MAPK6: variants seen among roughly 807,000 people sequenced by gnomAD.
MAPK6 encodes the protein ERK-3.
Under a neutral mutation model 59.3 loss-of-function variants are expected in MAPK6, and 19 were observed. That is an observed-to-expected ratio of 0.32 (90% CI 0.22 to 0.47). The LOEUF is 0.47. MAPK6 is among the 20% of genes least tolerant of loss of function. The probability of loss-of-function intolerance (pLI) is 1.00; values close to 1 mark genes in which losing one functional copy is unlikely to be tolerated. For missense variants in MAPK6, 724 were observed against 847.9 expected (o/e 0.85, Z 1.81); for synonymous variants, 316 against 290.3 (o/e 1.09, Z -0.90).
intron 1 of MAPK6, among the ~76,000 whole-genome samples, chr15:52,029,160 C>T (rs1449218318): frequency 6.6e-6 from 1 of 152,208 alleles, no homozygotes. Context: ...GCCTCAGCCT[C>T]CCCAGTAGCT....
chr15:52,022,241 GA>G (rs2141850314), intron 1 of MAPK6, among the ~76,000 whole-genome samples: 1 of 152,272 alleles, frequency 6.6e-6, no homozygotes, highest in South Asian at 2.1e-4. Flanking sequence ...AAAGGGATTT[GA>G]GGAGTTTGTG....
intron 1 of MAPK6, chr15:52,021,494 C>T (rs1595976054): frequency 2.0e-5 from 3 of 151,118 alleles, no homozygotes; most frequent in African/African-American, 7.3e-5. Flanking sequence ...GTAATGGCTT[C>T]TTAAATTGCA....
chr15:51,980,369 A>AT (rs527957124), intron 1 of MAPK6, among the ~76,000 whole-genome samples: 21 of 150,912 alleles, frequency 1.4e-4, no homozygotes, highest in Non-Finnish European at 2.7e-4. Context: ...CTGAGATTTT[A>AT]TTTTTTTGTT....
intron 4 of MAPK6, among the ~76,000 whole-genome samples, chr15:52,060,701 G>C (rs910752753): frequency 2.0e-5 from 3 of 152,192 alleles, no homozygotes; most frequent in Admixed American, 1.3e-4. Context: ...TGGTTAACCA[G>C]AGTCCTAAGA....
chr15:52,013,954 AAGGCCTTCTCAATCTGGTGCT>A (rs2030162996), intron 3 of MAPK6, among the ~76,000 whole-genome samples: 1 of 152,116 alleles, frequency 6.6e-6, no homozygotes, highest in African/African-American at 2.4e-5. Flanking sequence ...CCTTGTAATC[AAGGCCTTCTCAATCTGGTGCT>A]AACTTGTCTT....
intron 1 of MAPK6, among the ~76,000 whole-genome samples, chr15:52,036,342 A>G (rs2031241520): frequency 6.6e-6 from 1 of 152,172 alleles, no homozygotes; most frequent in South Asian, 2.1e-4. Context: ...TCTTGGTTTC[A>G]TGTTGCTAAA....
intron 3 of MAPK6, among the ~76,000 whole-genome samples, chr15:52,054,524 T>C (rs142415399): frequency 1.3e-5 from 2 of 152,316 alleles, no homozygotes; most frequent in East Asian, 1.9e-4. Context: ...AAAATATCTT[T>C]TTGTGACCAA....
intron 3 of MAPK6, among the ~76,000 whole-genome samples, chr15:52,007,201 G>A (rs547596440): frequency 6.6e-6 from 1 of 152,224 alleles, no homozygotes; most frequent in Admixed American, 6.5e-5. Flanking sequence ...GGGCTTTGAG[G>A]CAGCCTTGGA....
chr15:52,000,211 C>T (rs778642868), intron 2 of MAPK6, among the ~76,000 whole-genome samples: 5 of 151,506 alleles, frequency 3.3e-5, no homozygotes, highest in Non-Finnish European at 5.9e-5. Context: ...AGTATTGGCA[C>T]TACAGGCGTG....
intron 1 of MAPK6, among the ~76,000 whole-genome samples, chr15:52,041,893 G>A (rs2031430735): frequency 6.6e-6 from 1 of 152,014 alleles, no homozygotes; most frequent in Admixed American, 6.5e-5. Context: ...TCATTTCTTT[G>A]TTTACTTTTC....
chr15:52,057,045 A>G (rs1173556409), intron 3 of MAPK6: 1 of 152,208 alleles, frequency 6.6e-6, no homozygotes, highest in Non-Finnish European at 1.5e-5. Flanking sequence ...TGCTTAGACA[A>G]AAATCTTGTC....
intron 4 of MAPK6, among the ~76,000 whole-genome samples, 188 bp from the exon 5 acceptor site, chr15:52,061,111 G>A (rs1013434930): frequency 1.1e-4 from 17 of 152,210 alleles, no homozygotes; most frequent in African/African-American, 4.1e-4. Flanking sequence ...TTTTAATTGT[G>A]TAGTCCATTT....
upstream of MAPK6, among the ~76,000 whole-genome samples, chr15:52,016,079 C>CACACACAT (rs1416672357): frequency 1.1e-4 from 15 of 137,086 alleles, no homozygotes; most frequent in Admixed American, 9.5e-4. Flanking sequence ...CGCACACACA[C>CACACACAT]ACACACACAC....
chr15:52,016,107 C>CACACACACACACAA (rs1267339787), upstream of MAPK6, among the ~76,000 whole-genome samples: 100 of 136,310 alleles, frequency 7.3e-4, 1 homozygote, highest in African/African-American at 2.3e-3. Flanking sequence ...CACACACACA[C>CACACACACACACAA]AAACTAAAAC....
chr15:52,063,830 TA>T, intron 5 of MAPK6, 71 bp from the exon 6 acceptor site: 1 of 1,355,658 alleles, frequency 7.4e-7, no homozygotes, highest in Middle Eastern at 2.0e-4. Context: ...TGCTGTCACA[TA>T]GAAGGTACTC....
chr15:52,000,549 T>C (rs1172705485), intron 2 of MAPK6, among the ~76,000 whole-genome samples: 1 of 152,216 alleles, frequency 6.6e-6, no homozygotes, highest in Non-Finnish European at 1.5e-5. Flanking sequence ...GGTTCACGCC[T>C]GTAATCCCAG....
At chr15:51,996,983 ATT>A (rs879906083) in intron 2 of MAPK6, among the ~76,000 whole-genome samples, 1 of 140,892 alleles carries the variant, frequency 7.1e-6, no homozygotes. Flanking sequence ...ATGCCAGGAA[ATT>A]TTTTTTTTTT....
chr15:51,991,068 C>T (rs1226327994), intron 2 of MAPK6, among the ~76,000 whole-genome samples: 1 of 151,780 alleles, frequency 6.6e-6, no homozygotes, highest in Admixed American at 6.6e-5. Flanking sequence ...GAGGAGGTTG[C>T]TGTGACCCGG....
At chr15:51,973,227 CAAGAG>C (rs568665260) in intron 1 of MAPK6, among the ~76,000 whole-genome samples, 195 of 151,952 alleles carry the variant, frequency 1.3e-3, no homozygotes, top group African/African-American at 4.6e-3. Flanking sequence ...GCGGATGTTG[CAAGAG>C]AAGATACATA....
Sources: allele counts gnomAD v4.1 joint callset (sites outside exome capture counted in the v4.1 genomes callset), GRCh38; gene constraint gnomAD v4.1.1; transcripts MANE v1.5; gene names NCBI Gene and HGNC (gene_info 2026-07-23, HGNC 2026-07-21).